The following CLSTN1 variants were observed in gnomAD, a reference collection of about 807,000 sequenced individuals.
CLSTN1 encodes the protein calsyntenin-1.
In CLSTN1, 28 loss-of-function variants were observed where a neutral mutation model predicts 108.3. The observed-to-expected ratio is 0.26, with a 90% CI of 0.19 to 0.35. CLSTN1 has a LOEUF of 0.35. Among genes scored for constraint, CLSTN1 ranks in the 10% least tolerant of loss-of-function variants. The pLI is 1.00. For missense variants in CLSTN1, 1,157 were observed against 1,302.6 expected (o/e 0.89, Z 1.72); for synonymous variants, 524 against 534.9 (o/e 0.98, Z 0.28).
intron 2 of CLSTN1, among the ~76,000 whole-genome samples, chr1:9,760,483 C>T (rs1029382736): frequency 2.6e-5 from 4 of 152,152 alleles, no homozygotes; most frequent in African/African-American, 4.8e-5. Context: ...ATAAGGAAGA[C>T]GGATCGGACT....
intron 1 of CLSTN1, among the ~76,000 whole-genome samples, chr1:9,796,205 T>A (rs570796638): frequency 2.1e-5 from 3 of 144,978 alleles, no homozygotes; most frequent in South Asian, 2.3e-4. Context: ...GAGGTTGCAG[T>A]GAGCGGAGAT....
In CLSTN1 at chr1:9,749,813, A is replaced by G. The variant is rs200267369; in HGVS notation, c.750T>C (p.Asp250=). The change falls in exon 6 of 19, where the codon GAT becomes GAC. Residue 250 remains aspartate, a synonymous_variant. Transcript: ENST00000377298. ...YDCGKKRATE[D]VLVKISIKPT... is the part of the protein sequence containing the mutation. The stretch of plus-strand genomic sequence containing the variant: ...GCTTAATGCTGATCTTCACCAAAAC[A>G]TCTTCTGTGGCTCTTTTCTTCCCAC... 42 of 1,614,072 alleles carry G rather than the reference A, an allele frequency of 2.6e-5. No homozygotes were observed. The African/African-American group carries it at 4.8e-4, about 18-fold the overall frequency.
At chr1:9,776,859 CATTTATCTATCTATCT>C (rs1438418941) in intron 1 of CLSTN1, among the ~76,000 whole-genome samples, 4 of 87,902 alleles carry the variant, frequency 4.6e-5, no homozygotes, top group Non-Finnish European at 9.0e-5. Context: ...CATCTATCAG[CATTTATCTATCTATCT>C]ATCTATCTAT....
chr1:9,817,788 G>A (rs1655030420), intron 1 of CLSTN1, among the ~76,000 whole-genome samples: 1 of 151,974 alleles, frequency 6.6e-6, no homozygotes, highest in East Asian at 1.9e-4. Flanking sequence ...CAAAAAATGA[G>A]CAAAAATATA....
chr1:9,751,439 T>C, intron 5 of CLSTN1, 34 bp downstream of exon 5: 1 of 1,605,488 alleles, frequency 6.2e-7, no homozygotes, highest in South Asian at 1.1e-5. Flanking sequence ...AGGGACTGTC[T>C]ACCTAGCTGA....
intron 1 of CLSTN1, among the ~76,000 whole-genome samples, chr1:9,814,752 T>C (rs1654904310): frequency 6.6e-6 from 1 of 151,116 alleles, no homozygotes; most frequent in African/African-American, 2.4e-5. Flanking sequence ...TCTACAAAAA[T>C]TTTAAAATTA....
At chr1:9,786,104 G>C (rs573327155) in intron 1 of CLSTN1, among the ~76,000 whole-genome samples, 5 of 152,116 alleles carry the variant, frequency 3.3e-5, no homozygotes, top group African/African-American at 1.2e-4. Flanking sequence ...CATGAGAATC[G>C]CTTGAGCCTG....
rs148477732 is a variant in CLSTN1, at chr1:9,815,288, G to T, written c.91+8355C>A. On this transcript the variant is annotated intron_variant, in intron 1 of 18. Transcript: ENST00000377298. ...GTGAGCTACCAAGAGCCCCACAGCA[G>T]CAGAGTTCAAACAGAGGCTGAATGA... Among the ~76,000 whole-genome samples, 647 of 152,310 alleles carry T rather than the reference G, an allele frequency of 4.2e-3. 7 individuals carry two copies. Among genetic ancestry groups the T allele is most frequent in the African/African-American group, 0.015 (603 of 41,570 alleles).
intron 17 of CLSTN1, 51 bp from the exon 18 acceptor site, chr1:9,731,441 A>C (rs937845438): frequency 1.1e-5 from 18 of 1,585,222 alleles, no homozygotes; most frequent in Non-Finnish European, 1.4e-5. Flanking sequence ...CCAGAAGGCC[A>C]CTGTGCCCTT....
intron 1 of CLSTN1, among the ~76,000 whole-genome samples, chr1:9,806,055 C>G (rs1161129676): frequency 6.6e-6 from 1 of 151,936 alleles, no homozygotes; most frequent in Admixed American, 6.6e-5. Flanking sequence ...TTTGGGAGGC[C>G]AAGGCAGGTG....
rs895248800 is a variant in CLSTN1, at chr1:9,791,425, G to A, written c.92-18031C>T. On this transcript the variant is annotated intron_variant, in intron 1 of 18. Transcript: ENST00000377298. ...TTTAAAATTTTTTTGTAGAGAAGGC[G>A]GTCTCACTGTATTGCCCAGGCTGGT... is the stretch of plus-strand genomic sequence containing the variant. Among the ~76,000 whole-genome samples, 5 of 151,444 alleles carry A rather than the reference G, an allele frequency of 3.3e-5. 1 individual carries two copies. The highest frequency in any genetic ancestry group is 4.3e-4 in the South Asian group (2 of 4,632).
At chr1:9,795,542 GTTTA>G (rs745859097) in intron 1 of CLSTN1, among the ~76,000 whole-genome samples, 172 of 151,494 alleles carry the variant, frequency 1.1e-3, no homozygotes, top group Non-Finnish European at 2.0e-3. Flanking sequence ...GAAGAAGCAT[GTTTA>G]TTTTTATTAA....
rs771616055 is a variant in CLSTN1, at chr1:9,741,155, C to T, written c.1458G>A (p.Glu486=). The T allele has an allele frequency of 1.2e-6, 2 of 1,613,960 alleles. No individual in the cohort carries two copies. Among genetic ancestry groups the T allele is most frequent in the African/African-American group, 2.7e-5 (2 of 74,900 alleles). Residue 486 remains glutamate (E), a synonymous_variant, in exon 10 of 19, where the codon GAG becomes GAA. Transcript: ENST00000377298. ...TCTTGGATGGATGGAGCGGGTAATC[C>T]TCAGTCACAGAGAAGGGCTCGTGGG... ...GTSHEPFSVT[E]DYPLHPSKIE...
chr1:9,742,119 G>A (rs1008486545), intron 9 of CLSTN1, among the ~76,000 whole-genome samples: 11 of 152,138 alleles, frequency 7.2e-5, no homozygotes, highest in African/African-American at 2.7e-4. Context: ...TATCTGGGTC[G>A]TAACTCAAAC....
chr1:9,808,931 A>G (rs1287959296), intron 1 of CLSTN1, among the ~76,000 whole-genome samples: 1 of 151,824 alleles, frequency 6.6e-6, no homozygotes, highest in African/African-American at 2.4e-5. Flanking sequence ...CATTCTAGAT[A>G]TAACAGAAAC....
At chr1:9,737,713 GTAT>G (rs1650768231) in intron 10 of CLSTN1, among the ~76,000 whole-genome samples, 159 bp from the exon 11 acceptor site, 2 of 152,286 alleles carry the variant, frequency 1.3e-5, no homozygotes, top group African/African-American at 4.8e-5. Flanking sequence ...ACGCAAGCTT[GTAT>G]TTAATCACCT....
intron 1 of CLSTN1, among the ~76,000 whole-genome samples, chr1:9,795,447 T>G (rs1462928606): frequency 6.6e-6 from 1 of 151,262 alleles, no homozygotes; most frequent in African/African-American, 2.4e-5. Flanking sequence ...ATTATAGGCA[T>G]AAGCCACCGT....
At chr1:9,746,270 C>T (rs1651263656) in intron 7 of CLSTN1, among the ~76,000 whole-genome samples, 1 of 152,192 alleles carries the variant, frequency 6.6e-6, no homozygotes, top group African/African-American at 2.4e-5. Flanking sequence ...TCCAACCATT[C>T]TTATGTATTG....
chr1:9,737,592 G>C (rs777574851), intron 10 of CLSTN1, 38 bp from the exon 11 acceptor site: 1 of 1,589,474 alleles, frequency 6.3e-7, no homozygotes, highest in African/African-American at 1.3e-5. Flanking sequence ...GAAAAGGACT[G>C]AGAGGTTAGG....
Sources: gnomAD v4.1 joint callset for allele counts (sites outside exome capture counted in the v4.1 genomes callset) on GRCh38, gnomAD v4.1.1 for gene constraint, MANE v1.5 for transcripts, NCBI Gene and HGNC (gene_info 2026-07-23, HGNC 2026-07-21) for gene names.